STPG2: variants seen among roughly 807,000 people sequenced by gnomAD.
STPG2 encodes sperm tail PG-rich repeat containing 2.
A neutral mutation model predicts 54.2 loss-of-function variants in STPG2; 56 were observed. That is an observed-to-expected ratio of 1.03 (90% CI 0.83 to 1.29). STPG2 has a LOEUF of 1.29. Ranked by LOEUF, STPG2 falls within the 50% of genes most tolerant of loss-of-function variation. The pLI is 0.00. For synonymous variants in STPG2, 200 were observed against 181.8 expected (o/e 1.10, Z -0.81); for missense variants, 596 against 544.9 (o/e 1.09, Z -0.93).
At chr4:97,921,670 G>T (rs1732114369) in intron 8 of STPG2, among the ~76,000 whole-genome samples, 1 of 152,100 alleles carries the variant, frequency 6.6e-6, no homozygotes, top group Admixed American at 6.6e-5. Flanking sequence ...TATGCATTAT[G>T]CACTTCCCAG....
intron 9 of STPG2, among the ~76,000 whole-genome samples, chr4:97,838,828 T>A (rs1265015993): frequency 6.6e-6 from 1 of 151,576 alleles, no homozygotes; most frequent in African/African-American, 2.4e-5. Flanking sequence ...TATATCATGG[T>A]ATCAGATAAT....
intron 8 of STPG2, among the ~76,000 whole-genome samples, chr4:97,908,154 A>G (rs1299859532): frequency 1.3e-5 from 2 of 151,918 alleles, no homozygotes. Context: ...TCTACAATGA[A>G]CTCAAACAAA....
chr4:98,052,666 G>A (rs1470638251), intron 5 of STPG2, among the ~76,000 whole-genome samples: 1 of 152,158 alleles, frequency 6.6e-6, no homozygotes. Context: ...ACCTTAGGCA[G>A]TAATTAGGAT....
intron 5 of STPG2, among the ~76,000 whole-genome samples, chr4:98,081,491 G>A (rs929955661): frequency 6.6e-6 from 1 of 152,086 alleles, no homozygotes; most frequent in Non-Finnish European, 1.5e-5. Context: ...AAAAACTGAT[G>A]GGAGACCATT....
chr4:97,827,121 G>T (rs536003833), intron 9 of STPG2, among the ~76,000 whole-genome samples: 7 of 152,214 alleles, frequency 4.6e-5, no homozygotes, highest in African/African-American at 1.7e-4. Context: ...GGGTTAAACT[G>T]CATGGACTAA....
rs5860519 is a variant in STPG2, at chr4:98,052,087, CAA to C, written c.612+53864_612+53865del. Among the ~76,000 whole-genome samples, 218 of 117,742 alleles carry C rather than the reference CAA, an allele frequency of 1.9e-3. No homozygotes were observed. The Middle Eastern group carries it at 0.027, about 14-fold the overall frequency. The allele number at this position is 117,742 out of a possible 152,430, so 77.2% of individuals were successfully genotyped here. ...GGGCCACGAGAGCAAAACTCTGTCT[CAA>C]AAAAAAAAAAAAAAAGAAACAAATT... is the stretch of plus-strand genomic sequence containing the variant. On this transcript the variant is annotated intron_variant, in intron 5 of 10. Transcript: ENST00000295268.
At chr4:97,642,602 A>G (rs889036183) in intron 10 of STPG2, among the ~76,000 whole-genome samples, 3 of 151,492 alleles carry the variant, frequency 2.0e-5, no homozygotes, top group Admixed American at 6.6e-5. Context: ...TCAAAGCAGC[A>G]TATAACTTGT....
chr4:98,086,257 C>A (rs1738500114), intron 5 of STPG2, among the ~76,000 whole-genome samples: 4 of 151,952 alleles, frequency 2.6e-5, no homozygotes, highest in Admixed American at 2.6e-4. Context: ...CACAGAAGAG[C>A]CTTATAAAAG....
intron 4 of STPG2, among the ~76,000 whole-genome samples, chr4:97,482,376 C>T (rs1730244067): frequency 6.6e-6 from 1 of 151,320 alleles, no homozygotes; most frequent in African/African-American, 2.4e-5. Flanking sequence ...ACAAAAACTT[C>T]AGGAAACATT....
chr4:97,582,562 A>C (rs1042176540), intron 10 of STPG2, among the ~76,000 whole-genome samples: 1 of 152,076 alleles, frequency 6.6e-6, no homozygotes, highest in South Asian at 2.1e-4. Flanking sequence ...ACCATCAATA[A>C]ATCTATTTCT....
intron 9 of STPG2, among the ~76,000 whole-genome samples, chr4:97,817,357 C>T (rs1032401660): frequency 6.6e-6 from 1 of 151,788 alleles, no homozygotes; most frequent in Non-Finnish European, 1.5e-5. Context: ...CAATCTATTA[C>T]TATAAACTAC....
intron 5 of STPG2, among the ~76,000 whole-genome samples, chr4:98,019,492 C>A (rs9992684): frequency 0.39 from 59,020 of 150,624 alleles, 11,829 homozygotes; most frequent in Middle Eastern, 0.46. Flanking sequence ...ATTGACTTGG[C>A]GATGCGGGCT....
chr4:98,017,882 C>G (rs1008413513), intron 5 of STPG2, among the ~76,000 whole-genome samples: 43 of 152,124 alleles, frequency 2.8e-4, no homozygotes, highest in Non-Finnish European at 6.2e-4. Flanking sequence ...TTCATTCTCT[C>G]TCTCTCTCTC....
intron 5 of STPG2, among the ~76,000 whole-genome samples, chr4:98,089,479 T>C (rs1358140941): frequency 1.3e-5 from 2 of 152,082 alleles, no homozygotes. Context: ...TGGTTCCATA[T>C]CTTTGCAATT....
At chr4:97,566,457 C>G (rs186974666) in intron 10 of STPG2, among the ~76,000 whole-genome samples, 2 of 152,186 alleles carry the variant, frequency 1.3e-5, no homozygotes, top group Non-Finnish European at 2.9e-5. Flanking sequence ...CCTGCGCCCA[C>G]TGTCTGGCAC....
At chr4:97,560,484 A>G (rs1732198509) in intron 10 of STPG2, among the ~76,000 whole-genome samples, 1 of 152,126 alleles carries the variant, frequency 6.6e-6, no homozygotes, top group Admixed American at 6.5e-5. Flanking sequence ...ACTCTTTGTA[A>G]ATGTAAGGGA....
At position 97,723,595 on chromosome 4, in the gene STPG2, G is replaced by A. The variant is rs1724522882; in HGVS notation, c.1205-10781C>T. ...ATTTTTGTGCATGGTATTTTGTAAG[G>A]ATCTAATCTTATTTTCTCTGGTAAA... On this transcript the variant is annotated intron_variant, in intron 9 of 10. Transcript: ENST00000295268. Among the ~76,000 whole-genome samples, 4 of 152,088 alleles carry A rather than the reference G, an allele frequency of 2.6e-5. No homozygotes were observed. In the South Asian group the frequency reaches 8.3e-4, roughly 32 times the overall value.
intron 4 of STPG2, among the ~76,000 whole-genome samples, chr4:97,468,787 A>G (rs2148813498): frequency 1.3e-5 from 2 of 152,198 alleles, no homozygotes; most frequent in Non-Finnish European, 2.9e-5. Flanking sequence ...CCATGTGTCA[A>G]ATAGCCTCAT....
intron 7 of STPG2, among the ~76,000 whole-genome samples, chr4:97,947,223 T>C (rs989781223): frequency 1.3e-5 from 2 of 152,168 alleles, no homozygotes; most frequent in Admixed American, 6.6e-5. Flanking sequence ...TTTGCGTACA[T>C]TGATTTTGTA....
Sources: allele counts gnomAD v4.1 joint callset (sites outside exome capture counted in the v4.1 genomes callset), GRCh38; gene constraint gnomAD v4.1.1; transcripts MANE v1.5; gene names NCBI Gene and HGNC (gene_info 2026-07-23, HGNC 2026-07-21).